MARCHF11: variants seen among roughly 807,000 people sequenced by gnomAD.
MARCHF11 encodes the protein E3 ubiquitin-protein ligase MARCHF11.
Under a neutral mutation model 37.3 loss-of-function variants are expected in MARCHF11, and 29 were observed. The observed-to-expected ratio is 0.78, with a 90% CI of 0.58 to 1.06. The LOEUF is 1.06. MARCHF11 is among the 50% of genes least tolerant of loss of function. The pLI, the probability that MARCHF11 is intolerant of heterozygous loss-of-function variation, is 0.00. For missense variants in MARCHF11, 482 were observed against 533.4 expected (o/e 0.90, Z 0.95); for synonymous variants, 233 against 228.0 (o/e 1.02, Z -0.20).
In MARCHF11 at chr5:16,118,216, C is replaced by A. The variant is rs541990594; in HGVS notation, c.694-27135G>T. ...AAGGAGCTTGAAGCAGTAAGCATGG[C>A]CGAGTCAGGCAGAGCCTGTGAGTCC... On this transcript the variant is annotated intron_variant, in intron 2 of 3. Transcript: ENST00000332432. Among the ~76,000 whole-genome samples the A allele has an allele frequency of 7.2e-5, 11 of 152,298 alleles. No homozygotes were observed. The South Asian group carries it at 2.1e-3, about 29-fold the overall frequency.
Position 16,068,885 on chromosome 5 carries a change from C to T in MARCHF11, c.887-1092G>A, listed in dbSNP as rs191730211. ...TGAATATCCTTTGGTAGATGAAGTA[C>T]GGCATGTGAGCAGAGCATGTCGGCT... On this transcript the variant is annotated intron_variant, in intron 3 of 3. Transcript: ENST00000332432. Among the ~76,000 whole-genome samples the T allele has an allele frequency of 6.0e-4, 91 of 152,250 alleles. No individual in the cohort carries two copies. In the East Asian group the frequency reaches 0.016, roughly 26 times the overall value.
intron 2 of MARCHF11, among the ~76,000 whole-genome samples, chr5:16,158,376 C>T (rs139870733): frequency 7.4e-4 from 112 of 152,062 alleles, no homozygotes; most frequent in African/African-American, 2.3e-3. Context: ...AACCTGTGTT[C>T]ATCAACAGAT....
intron 2 of MARCHF11, among the ~76,000 whole-genome samples, chr5:16,102,937 T>C (rs10475072): frequency 0.38 from 57,769 of 151,974 alleles, 11,722 homozygotes; most frequent in East Asian, 0.58. Context: ...ACAAGTTCCA[T>C]GAAGGGGTCA....
intron 3 of MARCHF11, among the ~76,000 whole-genome samples, chr5:16,084,714 T>C (rs1437429989): frequency 6.7e-6 from 1 of 149,294 alleles, no homozygotes; most frequent in East Asian, 2.0e-4. Flanking sequence ...TACAGGAAAA[T>C]AAAAGTTTGT....
chr5:16,090,547 G>A (rs1305873108), intron 3 of MARCHF11, among the ~76,000 whole-genome samples: 2 of 152,082 alleles, frequency 1.3e-5, no homozygotes, highest in East Asian at 1.9e-4. Context: ...CCCCAGCTTT[G>A]TAAAGGGAAA....
At chr5:16,144,089 C>A (rs1163957018) in intron 2 of MARCHF11, among the ~76,000 whole-genome samples, 1 of 152,046 alleles carries the variant, frequency 6.6e-6, no homozygotes, top group Admixed American at 6.6e-5. Context: ...CTTAATGGAC[C>A]CATCTTTGAA....
At chr5:16,094,525 GTGTGTGTGCGCA>G in intron 2 of MARCHF11, among the ~76,000 whole-genome samples, 1 of 152,224 alleles carries the variant, frequency 6.6e-6, no homozygotes, top group South Asian at 2.1e-4. Context: ...GTACGTGTGT[GTGTGTGTGCGCA>G]TGTGTGTGTG....
chr5:16,129,523 T>C (rs574892512), intron 2 of MARCHF11, among the ~76,000 whole-genome samples: 12 of 152,234 alleles, frequency 7.9e-5, no homozygotes, highest in Non-Finnish European at 1.6e-4. Flanking sequence ...GAATTAGCTA[T>C]GCCAAATTTA....
intron 3 of MARCHF11, among the ~76,000 whole-genome samples, chr5:16,082,758 T>C (rs61179964): frequency 0.044 from 6,663 of 152,232 alleles, 279 homozygotes; most frequent in African/African-American, 0.1. Context: ...TTAAGCTAAA[T>C]AGTGTTTAAA....
At chr5:16,172,326 C>T (rs1738283215) in intron 2 of MARCHF11, among the ~76,000 whole-genome samples, 1 of 152,140 alleles carries the variant, frequency 6.6e-6, no homozygotes, top group African/African-American at 2.4e-5. Context: ...AAAATTGCCT[C>T]GTGATGTGCC....
chr5:16,090,255 G>C (rs16868099), intron 3 of MARCHF11, among the ~76,000 whole-genome samples: 1 of 152,158 alleles, frequency 6.6e-6, no homozygotes, highest in Non-Finnish European at 1.5e-5. Flanking sequence ...CACAGTACTA[G>C]GGAACAACAG....
intron 2 of MARCHF11, among the ~76,000 whole-genome samples, chr5:16,161,982 T>G (rs1738085818): frequency 6.6e-6 from 1 of 152,006 alleles, no homozygotes. Context: ...TAAAATTATT[T>G]TTCACTTGTT....
At position 16,161,439 on chromosome 5, in the gene MARCHF11, T is replaced by C. The variant is rs531780173; in HGVS notation, c.693+16287A>G. On this transcript the variant is annotated intron_variant, in intron 2 of 3. Coordinates refer to ENST00000332432, the MANE Select transcript of MARCHF11 (RefSeq NM_001102562.3). Reference sequence around the variant, plus strand: ...GCTTACGGACTCTGAGAGCTAAAGGTTTTAAGTTATGGATGACATTTCCCA... The same window carrying C: ...GCTTACGGACTCTGAGAGCTAAAGGCTTTAAGTTATGGATGACATTTCCCA... 5.9e-5 allele frequency among the ~76,000 whole-genome samples: 9 copies of C among 151,960 alleles called. No individual in the cohort carries two copies. The South Asian group carries it at 1.0e-3, about 18-fold the overall frequency.
rs542183017 is a variant in MARCHF11 at position 16,081,430 on chromosome 5, C to T, written c.886+9459G>A. On this transcript the variant is annotated intron_variant, in intron 3 of 3. Coordinates refer to ENST00000332432, the MANE Select transcript of MARCHF11 (RefSeq NM_001102562.3). ...AAGTTTAAATTTGCTACAATTTCCACATGTCATGAAATAATATTTTTAAAA... is the reference window on the plus strand; with the variant it reads ...AAGTTTAAATTTGCTACAATTTCCATATGTCATGAAATAATATTTTTAAAA... Among the ~76,000 whole-genome samples the T allele has an allele frequency of 2.6e-5, 4 of 152,310 alleles. No homozygotes were observed. In the East Asian group the frequency reaches 7.7e-4, roughly 29 times the overall value.
chr5:16,125,602 G>A (rs1737390107), intron 2 of MARCHF11, among the ~76,000 whole-genome samples: 1 of 149,778 alleles, frequency 6.7e-6, no homozygotes, highest in Non-Finnish European at 1.5e-5. Context: ...CTCAGCTGGT[G>A]CACCCTGGCA....
At chr5:16,084,105 G>T (rs1736654994) in intron 3 of MARCHF11, among the ~76,000 whole-genome samples, 1 of 152,090 alleles carries the variant, frequency 6.6e-6, no homozygotes, top group Non-Finnish European at 1.5e-5. Context: ...AAAAAAAGTA[G>T]CAAAGTTAAG....
chr5:16,089,017 G>A (rs770068343), intron 3 of MARCHF11, among the ~76,000 whole-genome samples: 2 of 151,772 alleles, frequency 1.3e-5, no homozygotes, highest in Non-Finnish European at 2.9e-5. Context: ...AACCAGAACT[G>A]TAATAATCTT....
chr5:16,099,886 A>G (rs1736928240), intron 2 of MARCHF11, among the ~76,000 whole-genome samples: 1 of 152,158 alleles, frequency 6.6e-6, no homozygotes, highest in Non-Finnish European at 1.5e-5. Flanking sequence ...AAAAGCAGAG[A>G]GGTGGGTGGG....
At chr5:16,080,618 C>A (rs1215148197) in intron 3 of MARCHF11, among the ~76,000 whole-genome samples, 1 of 152,126 alleles carries the variant, frequency 6.6e-6, no homozygotes, top group Non-Finnish European at 1.5e-5. Context: ...ACTGATGGCC[C>A]ATCTCCCAGT....
Sources: allele counts gnomAD v4.1 joint callset (sites outside exome capture counted in the v4.1 genomes callset), GRCh38; gene constraint gnomAD v4.1.1; transcripts MANE v1.5; gene names NCBI Gene and HGNC (gene_info 2026-07-23, HGNC 2026-07-21).